The following SLC4A4 variants were observed in gnomAD, a reference collection of about 807,000 sequenced individuals.
The protein encoded by SLC4A4 is solute carrier family 4 member 4.
A neutral mutation model predicts 111.5 loss-of-function variants in SLC4A4; 27 were observed. The observed-to-expected ratio is 0.24, with a 90% CI of 0.18 to 0.33. SLC4A4 has a LOEUF of 0.33. Ranked by LOEUF, SLC4A4 falls within the 10% of genes least tolerant of loss-of-function variation. The pLI is 1.00. For synonymous variants in SLC4A4, 443 were observed against 463.4 expected (o/e 0.96, Z 0.57); for missense variants, 909 against 1,315.5 (o/e 0.69, Z 4.78).
intron 18 of SLC4A4, among the ~76,000 whole-genome samples, chr4:71,544,235 A>G (rs7669578): frequency 0.72 from 109,026 of 151,800 alleles, 39,413 homozygotes; most frequent in Admixed American, 0.76. Context: ...AAGGAAAACC[A>G]ACCAGAAAAG....
At chr4:71,505,150 T>C (rs1731295123) in intron 16 of SLC4A4, among the ~76,000 whole-genome samples, 1 of 152,198 alleles carries the variant, frequency 6.6e-6, no homozygotes, top group African/African-American at 2.4e-5. Flanking sequence ...TTTAGGTTGA[T>C]TCCATGCCTT....
intron 3 of SLC4A4, among the ~76,000 whole-genome samples, chr4:71,338,482 A>G (rs1317157640): frequency 3.3e-5 from 5 of 151,600 alleles, no homozygotes; most frequent in Non-Finnish European, 7.4e-5. Context: ...TAACATGACC[A>G]TCAATTTCCA....
At position 71,570,225 on chromosome 4, in the gene SLC4A4, CTTAACTCATCATTTCAGCCTCTGAGTA is replaced by C. The variant is rs1393745967; in HGVS notation, c.*2475_*2501del. ...ACCTTTCAAAGAACTCCTGAAGCAA[CTTAACTCATCATTTCAGCCTCTGAGTA>C]GAGGTAAAACCTATGTGTACTTCTG... On this transcript the variant is annotated 3_prime_UTR_variant, in exon 26 of 26. Coordinates refer to ENST00000264485, the MANE Select transcript of SLC4A4 (RefSeq NM_001098484.3). 1 of 116,010 alleles carries C rather than the reference CTTAACTCATCATTTCAGCCTCTGAGTA, an allele frequency of 8.6e-6. No homozygotes were observed. The highest frequency in any genetic ancestry group is 2.1e-5 in the Non-Finnish European group (1 of 47,744). The allele number at this position is 116,010 out of a possible 1,614,324, so 7.2% of individuals were successfully genotyped here.
chr4:71,446,184 A>T (rs944661245), intron 8 of SLC4A4, among the ~76,000 whole-genome samples: 5 of 88,256 alleles, frequency 5.7e-5, no homozygotes, highest in South Asian at 6.5e-4. Context: ...ATTTTATGAT[A>T]AAAAAAAAGT....
chr4:71,120,089 C>G (rs1174685338), intron 2 of SLC4A4, among the ~76,000 whole-genome samples: 2 of 152,034 alleles, frequency 1.3e-5, no homozygotes, highest in African/African-American at 4.8e-5. Flanking sequence ...AGGTTTTGAA[C>G]TCGGTTCTTA....
chr4:71,426,595 G>A (rs1723163408), intron 7 of SLC4A4, among the ~76,000 whole-genome samples: 2 of 152,112 alleles, frequency 1.3e-5, no homozygotes, highest in African/African-American at 2.4e-5. Flanking sequence ...GATATGTATA[G>A]TTCTTGGTAG....
chr4:71,486,216 C>T (rs538213409), intron 14 of SLC4A4, among the ~76,000 whole-genome samples: 63 of 151,332 alleles, frequency 4.2e-4, no homozygotes, highest in African/African-American at 1.5e-3. Context: ...AGGAAAAAGG[C>T]TTATCTGATA....
chr4:71,258,395 C>T (rs1040521069), intron 3 of SLC4A4, among the ~76,000 whole-genome samples: 3 of 152,138 alleles, frequency 2.0e-5, no homozygotes, highest in African/African-American at 4.8e-5. Context: ...TCTTTCCCAA[C>T]GCCTTATGTT....
rs1008843129 is a variant in SLC4A4, at chr4:71,563,775, T to C, written c.3100-18T>C. On this transcript the variant is annotated intron_variant, in intron 23 of 25. Transcript: ENST00000264485. ...ATAATAAAAACATTCTAAAACCTCT[T>C]GTACATTTTTTTCACAGTCTGACTG... The C allele has an allele frequency of 5.4e-6, 8 of 1,483,954 alleles. No homozygotes were observed. The highest frequency in any genetic ancestry group is 7.5e-6 in the Non-Finnish European group (8 of 1,062,468). 91.9% of individuals were successfully genotyped at this position (1,483,954 alleles called of 1,614,324 possible). A position where few individuals can be genotyped will look rare whatever the true frequency, so the allele number is the denominator to read the frequency against.
chr4:71,156,603 C>CAG (rs1744483878), intron 2 of SLC4A4, among the ~76,000 whole-genome samples: 1 of 144,868 alleles, frequency 6.9e-6, no homozygotes, highest in South Asian at 2.4e-4. Flanking sequence ...CACACACACA[C>CAG]ACACACACAC....
At chr4:71,395,485 T>C (rs748029967) in intron 6 of SLC4A4, among the ~76,000 whole-genome samples, 2 of 152,218 alleles carry the variant, frequency 1.3e-5, no homozygotes, top group Non-Finnish European at 2.9e-5. Context: ...AACCTTTCTC[T>C]TGCTCCTCAT....
At chr4:71,310,321 G>A (rs1726036656) in intron 3 of SLC4A4, among the ~76,000 whole-genome samples, 1 of 152,026 alleles carries the variant, frequency 6.6e-6, no homozygotes, top group African/African-American at 2.4e-5. Flanking sequence ...TCAAATTCAG[G>A]AAATACAAAG....
chr4:71,169,175 ATT>A (rs113560452), intron 2 of SLC4A4, among the ~76,000 whole-genome samples: 12 of 135,742 alleles, frequency 8.8e-5, no homozygotes, highest in Non-Finnish European at 9.6e-5. Context: ...ATACCTGGCT[ATT>A]TTTTTTTTTT....
At chr4:71,351,990 A>G (rs1729884017) in intron 5 of SLC4A4, among the ~76,000 whole-genome samples, 1 of 152,210 alleles carries the variant, frequency 6.6e-6, no homozygotes, top group African/African-American at 2.4e-5. Context: ...AATCTGATAT[A>G]TGAGAAGAGA....
intron 15 of SLC4A4, among the ~76,000 whole-genome samples, chr4:71,496,275 C>A (rs181385402): frequency 6.6e-6 from 1 of 151,918 alleles, no homozygotes; most frequent in East Asian, 1.9e-4. Context: ...TCAAGTAAGT[C>A]GGCTGTTATA....
intron 15 of SLC4A4, among the ~76,000 whole-genome samples, chr4:71,489,776 T>C (rs1482124266): frequency 6.6e-6 from 1 of 151,604 alleles, no homozygotes; most frequent in Non-Finnish European, 1.5e-5. Flanking sequence ...AATTAGATTG[T>C]GAGAGAAGGT....
chr4:71,439,467 A>AG (rs1724496503), intron 7 of SLC4A4, among the ~76,000 whole-genome samples: 1 of 135,346 alleles, frequency 7.4e-6, no homozygotes, highest in African/African-American at 2.9e-5. Flanking sequence ...AAAAAAAAAA[A>AG]AAAAGAAAAG....
intron 12 of SLC4A4, 25 bp from the exon 13 acceptor site, chr4:71,466,419 A>C: frequency 6.2e-7 from 1 of 1,612,884 alleles, no homozygotes; most frequent in Non-Finnish European, 8.5e-7. Context: ...TGTTTCATTT[A>C]ACATCTATAT....
chr4:71,235,711 G>A (rs1397996580), intron 1 of SLC4A4, among the ~76,000 whole-genome samples: 1 of 152,234 alleles, frequency 6.6e-6, no homozygotes, highest in Admixed American at 6.5e-5. Flanking sequence ...TAAAAACGCT[G>A]TCATTCCTTG....
Sources: gnomAD v4.1 joint callset for allele counts (sites outside exome capture counted in the v4.1 genomes callset) on GRCh38, gnomAD v4.1.1 for gene constraint, MANE v1.5 for transcripts, NCBI Gene and HGNC (gene_info 2026-07-23, HGNC 2026-07-21) for gene names.